Variants in KLHL7 observed in about 807,000 individuals in gnomAD.
KLHL7 encodes kelch-like protein 7.
Under a neutral mutation model 67.4 loss-of-function variants are expected in KLHL7, and 44 were observed. The ratio of observed to expected loss-of-function variants is 0.65; its 90% CI spans 0.51 to 0.84. The LOEUF is 0.84. KLHL7 is among the 40% of genes least tolerant of loss of function. The probability of loss-of-function intolerance (pLI) is 0.00; values close to 1 mark genes in which losing one functional copy is unlikely to be tolerated. For missense variants in KLHL7, 362 were observed against 718.1 expected (o/e 0.50, Z 5.67); for synonymous variants, 252 against 243.3 (o/e 1.04, Z -0.33).
In KLHL7 at chr7:23,154,591, G is replaced by A. The variant is rs185673941; in HGVS notation, c.936+2382G>A. Among the ~76,000 whole-genome samples the A allele has an allele frequency of 1.3e-3, 191 of 152,220 alleles. 4 individuals are homozygous for A. The highest frequency in any genetic ancestry group is 4.5e-3 in the African/African-American group (185 of 41,544). On this transcript the variant is annotated intron_variant, in intron 7 of 10. Coordinates refer to ENST00000339077, the MANE Select transcript of KLHL7 (RefSeq NM_001031710.3). Reference sequence around the variant, plus strand: ...TCTCCAGAAATGGTTAGCATTACGCGCATCAACACAGGAGACCAGTATGTG... The same window carrying A: ...TCTCCAGAAATGGTTAGCATTACGCACATCAACACAGGAGACCAGTATGTG...
chr7:23,125,805 C>T lies in KLHL7; in HGVS notation c.442+633C>T, dbSNP rs749885278. On this transcript the variant is annotated intron_variant, in intron 4 of 10. Coordinates refer to ENST00000339077, the MANE Select transcript of KLHL7 (RefSeq NM_001031710.3). The stretch of plus-strand genomic sequence containing the variant: ...TCAGAGCCTTCCAGAGTGTGGTATG[C>T]TTTTCACTGTGTGATGATCCTTAGT... 8 of 1,547,948 alleles carry T rather than the reference C, an allele frequency of 5.2e-6. No homozygotes were observed. The South Asian group carries it at 9.6e-5, about 19-fold the overall frequency.
chr7:23,154,355 A>AAAAC (rs60259769), intron 7 of KLHL7, among the ~76,000 whole-genome samples: 135,801 of 150,930 alleles, frequency 0.9, 61,496 homozygotes, highest in Non-Finnish European at 0.96. Context: ...ACTATGTCTC[A>AAAAC]AAACAAACAA....
At chr7:23,159,986 TC>T (rs1784814185) in intron 7 of KLHL7, among the ~76,000 whole-genome samples, 1 of 152,298 alleles carries the variant, frequency 6.6e-6, no homozygotes, top group East Asian at 1.9e-4. Context: ...TTTCTAATCT[TC>T]CCATATTTAA....
chr7:23,149,396 G>A (rs28716381), intron 6 of KLHL7, among the ~76,000 whole-genome samples: 66,694 of 152,046 alleles, frequency 0.44, 16,554 homozygotes, highest in African/African-American at 0.68. Flanking sequence ...CACATGGCCT[G>A]TTGGTGGAAA....
In KLHL7 at chr7:23,123,807, C is replaced by G; in HGVS notation, c.151C>G (p.Gln51Glu). ...KTLCDVILMV[Q>E]ERKIPAHRVV... ...GTTGTGTGACGTGATCCTCATGGTC[C>G]AGGAAAGAAAGATACCTGCTCATCG... Residue 51 changes from glutamine to glutamate, a missense_variant, in exon 2 of 11, where the codon CAG becomes GAG. This residue lies in a region of KLHL7 where 57 missense variants were observed against 81.7 expected (regional missense o/e 0.70). Coordinates refer to ENST00000339077, the MANE Select transcript of KLHL7 (RefSeq NM_001031710.3). 1 of 1,613,476 alleles carries G rather than the reference C, an allele frequency of 6.2e-7. No individual in the cohort carries two copies. Among genetic ancestry groups the G allele is most frequent in the Non-Finnish European group, 8.5e-7 (1 of 1,179,722 alleles).
Position 23,125,177 on chromosome 7 carries a change from G to A in KLHL7, c.442+5G>A. On this transcript the variant is annotated splice_donor_5th_base_variant and intron_variant, in intron 4 of 10. Transcript: ENST00000339077. ...TTGATGCTTCAAATTGTCTTGGTAA[G>A]AAATATCAGATTCCTGTTGTGTGTT... The A allele has an allele frequency of 3.1e-6, 5 of 1,612,734 alleles. No individual in the cohort carries two copies. Among genetic ancestry groups the A allele is most frequent in the Non-Finnish European group, 3.4e-6 (4 of 1,179,116 alleles).
rs1435924520 is a variant in KLHL7, at chr7:23,140,952, A to T, written c.618+8A>T. Reference sequence around the variant, plus strand: ...GTGAGAGCAGAGGATCAGGTGACTAAATTGCCTTCTCACATTTTTCTTAAT... The same window carrying T: ...GTGAGAGCAGAGGATCAGGTGACTATATTGCCTTCTCACATTTTTCTTAAT... On this transcript the variant is annotated splice_region_variant and intron_variant, in intron 5 of 10. Coordinates refer to ENST00000339077, the MANE Select transcript of KLHL7 (RefSeq NM_001031710.3). 3 of 1,612,292 alleles carry T rather than the reference A, an allele frequency of 1.9e-6. No homozygotes were observed. Among genetic ancestry groups the T allele is most frequent in the African/African-American group, 2.7e-5 (2 of 75,016 alleles).
chr7:23,156,388 A>T (rs1443954680), intron 7 of KLHL7, among the ~76,000 whole-genome samples: 3 of 152,216 alleles, frequency 2.0e-5, no homozygotes, highest in Admixed American at 6.5e-5. Context: ...TAAATCATCA[A>T]GTGCTTAGTG....
At chr7:23,117,856 T>G (rs779874641) in intron 1 of KLHL7, 32 of 1,613,326 alleles carry the variant, frequency 2.0e-5, no homozygotes, top group Non-Finnish European at 2.5e-5. Flanking sequence ...ACCACCCAGC[T>G]GTAGTTGAAT....
chr7:23,127,986 C>T (rs943233285), intron 4 of KLHL7, among the ~76,000 whole-genome samples: 36 of 151,536 alleles, frequency 2.4e-4, no homozygotes, highest in African/African-American at 7.3e-4. Flanking sequence ...ACAAATTAAC[C>T]GGGCATGGTT....
At chr7:23,128,399 T>C (rs369306593) in intron 4 of KLHL7, among the ~76,000 whole-genome samples, 39 of 77,744 alleles carry the variant, frequency 5.0e-4, no homozygotes, top group African/African-American at 1.4e-3. Flanking sequence ...AATAATCAAA[T>C]AAGACTACGA....
chr7:23,143,844 C>A lies in KLHL7; in HGVS notation c.619-7C>A. ...AAGAACTTTACTGTGCTGTTTTTCC[C>A]CCTTAGGTTTATGATGCTGCAGTCA... On this transcript the variant is annotated splice_region_variant and splice_polypyrimidine_tract_variant and intron_variant, in intron 5 of 10. Transcript: ENST00000339077. 1 of 1,613,856 alleles carries A rather than the reference C, an allele frequency of 6.2e-7. No homozygotes were observed. Among genetic ancestry groups the A allele is most frequent in the Non-Finnish European group, 8.5e-7 (1 of 1,179,824 alleles).
chr7:23,173,093 T>C (rs1785211914), intron 10 of KLHL7, 48 bp downstream of exon 10: 3 of 1,290,688 alleles, frequency 2.3e-6, no homozygotes, highest in African/African-American at 1.5e-5. Flanking sequence ...AGTTTGCTGA[T>C]ACTTCCTTAA....
At position 23,175,210 on chromosome 7, in the gene KLHL7, C is replaced by T. The variant is rs1450005820; in HGVS notation, c.*912C>T. ...TTAGCCAAAACATGAAATATTTAAC[C>T]TAGTTGTCTCTAAAAGTTTTGTAAT... On this transcript the variant is annotated 3_prime_UTR_variant, in exon 11 of 11. Transcript: ENST00000339077. 2.2e-6 allele frequency: 1 copy of T among 453,890 alleles called. No homozygotes were observed. Among genetic ancestry groups the T allele is most frequent in the Admixed American group, 2.3e-5 (1 of 42,554 alleles). 28.1% of individuals were successfully genotyped at this position (453,890 alleles called of 1,614,324 possible).
intron 6 of KLHL7, among the ~76,000 whole-genome samples, 189 bp from the exon 7 acceptor site, chr7:23,151,878 A>T (rs543319959): frequency 7.2e-6 from 1 of 138,400 alleles, no homozygotes; most frequent in Non-Finnish European, 1.6e-5. Flanking sequence ...CTGAGAATAA[A>T]TGAATTGGTT....
chr7:23,159,467 G>C (rs1784800601), intron 7 of KLHL7, among the ~76,000 whole-genome samples: 2 of 152,084 alleles, frequency 1.3e-5, no homozygotes, highest in Admixed American at 1.3e-4. Context: ...CACCAAGCCT[G>C]GCTGAGATCT....
chr7:23,121,382 G>A (rs572578338), intron 1 of KLHL7, among the ~76,000 whole-genome samples: 6 of 152,140 alleles, frequency 3.9e-5, no homozygotes, highest in African/African-American at 1.4e-4. Context: ...CACCTCTGGG[G>A]CTCAAGTGAT....
chr7:23,152,596 T>G (rs1391396484), intron 7 of KLHL7, among the ~76,000 whole-genome samples: 2 of 152,174 alleles, frequency 1.3e-5, no homozygotes, highest in African/African-American at 2.4e-5. Context: ...AAATAACACA[T>G]AGTCATTCTA....
chr7:23,160,840 G>T (rs1177410780), intron 7 of KLHL7, among the ~76,000 whole-genome samples: 2 of 152,164 alleles, frequency 1.3e-5, no homozygotes, highest in African/African-American at 4.8e-5. Context: ...GGAATTACTT[G>T]ACATGATCAA....
Sources: gnomAD v4.1 joint callset for allele counts (sites outside exome capture counted in the v4.1 genomes callset) on GRCh38, gnomAD v4.1.1 for gene constraint, gnomAD v4.1.1 regional missense constraint, MANE v1.5 for transcripts, NCBI Gene and HGNC (gene_info 2026-07-23, HGNC 2026-07-21) for gene names.